SNTG1: variants seen among roughly 807,000 people sequenced by gnomAD.
SNTG1 encodes syntrophin gamma 1.
SNTG1 carries 39 observed loss-of-function variants against 74.7 expected under a neutral mutation model. That is an observed-to-expected ratio of 0.52 (90% CI 0.40 to 0.68). SNTG1 has a LOEUF of 0.68. Among genes scored for constraint, SNTG1 ranks in the 30% least tolerant of loss-of-function variants. The probability of loss-of-function intolerance (pLI) is 0.00; values close to 1 mark genes in which losing one functional copy is unlikely to be tolerated. For synonymous variants in SNTG1, 254 were observed against 217.1 expected, an observed-to-expected ratio of 1.17 and a Z score of -1.49; for missense variants, 685 against 609.5, an observed-to-expected ratio of 1.12 and a Z score of -1.30.
At chr8:50,594,369 G>C (rs1344203227) in intron 13 of SNTG1, among the ~76,000 whole-genome samples, 1 of 151,828 alleles carries the variant, frequency 6.6e-6, no homozygotes, top group East Asian at 1.9e-4. Flanking sequence ...AATTACCTGG[G>C]AGTAACATTA....
chr8:50,027,911 G>A (rs1254972765), intron 1 of SNTG1, among the ~76,000 whole-genome samples: 1 of 152,114 alleles, frequency 6.6e-6, no homozygotes, highest in Non-Finnish European at 1.5e-5. Flanking sequence ...CTAACTCACA[G>A]AAAGCTGCAG....
chr8:50,707,750 AT>A, intron 16 of SNTG1: 1 of 271,874 alleles, frequency 3.7e-6, no homozygotes, highest in Non-Finnish European at 6.8e-6. Flanking sequence ...GATCACAAAT[AT>A]TTTTCATGAT....
chr8:50,313,731 G>A (rs143676085), intron 2 of SNTG1, among the ~76,000 whole-genome samples: 1 of 149,734 alleles, frequency 6.7e-6, no homozygotes, highest in Non-Finnish European at 1.5e-5. Flanking sequence ...TGCAGCTACT[G>A]TAAATTATTT....
At chr8:50,371,996 A>G (rs2092280195) in intron 2 of SNTG1, among the ~76,000 whole-genome samples, 1 of 152,184 alleles carries the variant, frequency 6.6e-6, no homozygotes, top group Non-Finnish European at 1.5e-5. Flanking sequence ...TCTTTTGATT[A>G]GGGAGTTTAA....
At chr8:50,741,900 C>T (rs2095544259) in intron 17 of SNTG1, among the ~76,000 whole-genome samples, 1 of 151,834 alleles carries the variant, frequency 6.6e-6, no homozygotes, top group Non-Finnish European at 1.5e-5. Context: ...AGAGGATTTC[C>T]AGGGCAATGA....
chr8:50,102,266 T>C (rs1298085941), intron 1 of SNTG1, among the ~76,000 whole-genome samples: 2 of 151,014 alleles, frequency 1.3e-5, no homozygotes, highest in Non-Finnish European at 3.0e-5. Flanking sequence ...TGGTGTGAGA[T>C]GATATCTCAT....
chr8:50,021,051 G>T (rs1816771557), intron 1 of SNTG1, among the ~76,000 whole-genome samples: 1 of 152,056 alleles, frequency 6.6e-6, no homozygotes, highest in Non-Finnish European at 1.5e-5. Context: ...ATCTTTGGTT[G>T]GGCAGAGGAG....
intron 8 of SNTG1, among the ~76,000 whole-genome samples, chr8:50,469,705 A>T (rs1042647557): frequency 6.6e-6 from 1 of 152,072 alleles, no homozygotes; most frequent in African/African-American, 2.4e-5. Context: ...TATTGCAGGC[A>T]TGGTGGCTCA....
chr8:50,513,459 T>TTAAG (rs1388537259), intron 9 of SNTG1, among the ~76,000 whole-genome samples: 16 of 152,226 alleles, frequency 1.1e-4, no homozygotes, highest in African/African-American at 3.4e-4. Flanking sequence ...ACAGGGATAT[T>TTAAG]TAAGTCTGCA....
intron 1 of SNTG1, among the ~76,000 whole-genome samples, chr8:50,065,618 A>C (rs1820836460): frequency 6.6e-6 from 1 of 152,192 alleles, no homozygotes; most frequent in African/African-American, 2.4e-5. Context: ...TTCAGGAAAT[A>C]TTATAGACGT....
In SNTG1 at chr8:50,107,362, A is replaced by T. The variant is rs143917298; in HGVS notation, c.-102-65199A>T. 1.2e-3 allele frequency among the ~76,000 whole-genome samples: 185 copies of T among 152,314 alleles called. 1 individual carries two copies. Among genetic ancestry groups the T allele is most frequent in the Middle Eastern group, 0.01 (3 of 292 alleles). ...TGTAGATAGATAGATAAAAGAAAAT[A>T]GATTGAAAGATTCTCACACATGTAT... On this transcript the variant is annotated intron_variant, in intron 1 of 18. Transcript: ENST00000642720.
At chr8:50,269,428 G>A (rs1349663541) in intron 2 of SNTG1, among the ~76,000 whole-genome samples, 1 of 152,122 alleles carries the variant, frequency 6.6e-6, no homozygotes, top group Non-Finnish European at 1.5e-5. Flanking sequence ...TTATGGTCAT[G>A]ATAGTGTATA....
chr8:50,710,202 C>A (rs1296555560), intron 17 of SNTG1, among the ~76,000 whole-genome samples: 1 of 152,128 alleles, frequency 6.6e-6, no homozygotes, highest in Non-Finnish European at 1.5e-5. Flanking sequence ...ATTTGCTGGT[C>A]AGATTTGGCC....
rs1587631935 is a variant in SNTG1, at chr8:50,438,745, G to C, written c.219+146G>C. ...TTGGACGGGGATGTAAATTAGGTAG[G>C]TTCTCACAGAATTCCTGCAAACTCT... On this transcript the variant is annotated intron_variant, in intron 5 of 18. Coordinates refer to ENST00000642720, the MANE Select transcript of SNTG1 (RefSeq NM_018967.5). 6.5e-5 allele frequency: 40 copies of C among 614,170 alleles called. No individual in the cohort carries two copies. The East Asian group carries it at 1.2e-3, about 18-fold the overall frequency. The allele number at this position is 614,170 out of a possible 1,614,324, so 38.0% of individuals were successfully genotyped here.
At chr8:50,504,924 GC>G (rs1279912563) in intron 9 of SNTG1, among the ~76,000 whole-genome samples, 1 of 151,800 alleles carries the variant, frequency 6.6e-6, no homozygotes, top group African/African-American at 2.4e-5. Context: ...GTACATTATT[GC>G]GTAACATATC....
intron 1 of SNTG1, among the ~76,000 whole-genome samples, chr8:50,028,444 C>A (rs986789423): frequency 6.6e-6 from 1 of 151,872 alleles, no homozygotes; most frequent in African/African-American, 2.4e-5. Flanking sequence ...TTTGTGTGGA[C>A]ATGTTTCCAT....
intron 12 of SNTG1, among the ~76,000 whole-genome samples, chr8:50,576,018 T>G (rs1276215126): frequency 6.6e-6 from 1 of 152,186 alleles, no homozygotes; most frequent in East Asian, 1.9e-4. Context: ...ATTAATGGCT[T>G]TATCCATTTG....
intron 18 of SNTG1, among the ~76,000 whole-genome samples, chr8:50,755,718 T>C (rs2095578661): frequency 6.6e-6 from 1 of 151,906 alleles, no homozygotes; most frequent in Non-Finnish European, 1.5e-5. Flanking sequence ...TCCATCTCCA[T>C]CACCAATAAA....
At chr8:50,190,526 A>G (rs933391422) in intron 2 of SNTG1, among the ~76,000 whole-genome samples, 6 of 152,160 alleles carry the variant, frequency 3.9e-5, no homozygotes, top group African/African-American at 1.4e-4. Flanking sequence ...TGAGAAAAAA[A>G]GGTAATGAAT....
Sources: gnomAD v4.1 joint callset for allele counts (sites outside exome capture counted in the v4.1 genomes callset) on GRCh38, gnomAD v4.1.1 for gene constraint, MANE v1.5 for transcripts, NCBI Gene and HGNC (gene_info 2026-07-23, HGNC 2026-07-21) for gene names.